Variants in NETO1 observed in about 807,000 individuals in gnomAD.
The protein encoded by NETO1 is neuropilin and tolloid like 1.
In NETO1, 26 loss-of-function variants were observed where a neutral mutation model predicts 61.3. The ratio of observed to expected loss-of-function variants is 0.42; its 90% CI spans 0.31 to 0.59. The LOEUF (loss-of-function observed/expected upper bound fraction) is 0.59. Among genes scored for constraint, NETO1 ranks in the 20% least tolerant of loss-of-function variants. The pLI is 0.12. For synonymous variants in NETO1, 225 were observed against 225.8 expected, an observed-to-expected ratio of 1.00 and a Z score of 0.03; for missense variants, 531 against 662.8, an observed-to-expected ratio of 0.80 and a Z score of 2.18.
intron 4 of NETO1, among the ~76,000 whole-genome samples, chr18:72,817,636 C>T (rs975760915): frequency 3.3e-5 from 5 of 152,218 alleles, no homozygotes; most frequent in Non-Finnish European, 7.3e-5. Flanking sequence ...GTATTAATAC[C>T]GAATGCCTAA....
intron 4 of NETO1, among the ~76,000 whole-genome samples, chr18:72,857,751 C>T (rs1306465148): frequency 6.6e-6 from 1 of 152,122 alleles, no homozygotes; most frequent in Non-Finnish European, 1.5e-5. Context: ...AATCCATTAT[C>T]AGCAAAGCAT....
chr18:72,821,257 A>AAAC, intron 4 of NETO1, among the ~76,000 whole-genome samples: 1 of 148,928 alleles, frequency 6.7e-6, no homozygotes, highest in Non-Finnish European at 1.5e-5. Context: ...AAAAAAAAAA[A>AAAC]TGGGTCCAGG....
chr18:72,854,065 T>C (rs1049736148), intron 4 of NETO1, among the ~76,000 whole-genome samples: 16 of 152,192 alleles, frequency 1.1e-4, no homozygotes, highest in South Asian at 4.1e-4. Flanking sequence ...TTAATATGCA[T>C]AGAAATCCGT....
In NETO1 at chr18:72,858,977, T is replaced by C. The variant is rs1599178616; in HGVS notation, c.318A>G (p.Gly106=). Residue 106 remains glycine, a synonymous_variant, in exon 4 of 11, where the codon GGA becomes GGG. Coordinates refer to ENST00000327305, the MANE Select transcript of NETO1 (RefSeq NM_138966.5). The stretch of plus-strand genomic sequence containing the variant: ...CAATTATTGGAGAAAAGCCAAAAGG[T>C]CCATCTCGAACTTCAATATGATCAA... The part of the protein sequence containing the change: ...CKFDHIEVRD[G]PFGFSPIIGR... 2 of 1,613,812 alleles carry C rather than the reference T, an allele frequency of 1.2e-6. No individual in the cohort carries two copies. Among genetic ancestry groups the C allele is most frequent in the Non-Finnish European group, 1.7e-6 (2 of 1,179,844 alleles).
At chr18:72,793,340 T>C (rs77045311) in intron 6 of NETO1, among the ~76,000 whole-genome samples, 2,560 of 152,266 alleles carry the variant, frequency 0.017, 87 homozygotes, top group African/African-American at 0.058. Flanking sequence ...AAATGACTCA[T>C]CCTCTGTATT....
intron 7 of NETO1, among the ~76,000 whole-genome samples, chr18:72,767,197 A>T (rs983385009): frequency 2.0e-5 from 3 of 152,228 alleles, no homozygotes; most frequent in Non-Finnish European, 4.4e-5. Context: ...CAAGCTTAAA[A>T]ATCTGCTAGT....
intron 4 of NETO1, among the ~76,000 whole-genome samples, chr18:72,856,514 A>C (rs1320529175): frequency 6.6e-6 from 1 of 152,126 alleles, no homozygotes; most frequent in African/African-American, 2.4e-5. Flanking sequence ...CACTCAAGAA[A>C]TTCATAAATA....
intron 4 of NETO1, among the ~76,000 whole-genome samples, chr18:72,814,682 A>G (rs558891352): frequency 5.3e-5 from 8 of 152,094 alleles, no homozygotes; most frequent in Non-Finnish European, 1.2e-4. Context: ...AGAATTATGC[A>G]AATTCAAAAC....
intron 4 of NETO1, among the ~76,000 whole-genome samples, chr18:72,848,756 C>T (rs911089678): frequency 2.0e-5 from 3 of 152,176 alleles, no homozygotes; most frequent in Non-Finnish European, 2.9e-5. Context: ...CACAGTAGCA[C>T]ACCTGCAGCT....
chr18:72,847,235 C>T (rs183107693), intron 4 of NETO1, among the ~76,000 whole-genome samples: 8 of 152,296 alleles, frequency 5.3e-5, no homozygotes, highest in Admixed American at 3.9e-4. Context: ...TGGGCACATG[C>T]CCTGCTGATT....
chr18:72,760,266 T>C lies in NETO1; in HGVS notation c.869-4119A>G, dbSNP rs1204124525. Among the ~76,000 whole-genome samples the C allele has an allele frequency of 9.2e-5, 14 of 152,226 alleles. 1 individual carries two copies. The highest frequency in any genetic ancestry group is 8.5e-4 in the Admixed American group (13 of 15,286). On this transcript the variant is annotated intron_variant, in intron 7 of 10. Transcript: ENST00000327305. ...TGATTTAAAGCACTCACCTAGAAAG[T>C]AGACACTACAACACTTCAAAATGAA... is the stretch of plus-strand genomic sequence containing the variant.
chr18:72,753,113 C>A (rs570196133), intron 8 of NETO1, among the ~76,000 whole-genome samples: 1 of 151,974 alleles, frequency 6.6e-6, no homozygotes, highest in African/African-American at 2.4e-5. Flanking sequence ...CAACAAAAAA[C>A]TAGAGGAGCT....
At chr18:72,865,891 A>T (rs1050333275) in intron 1 of NETO1, among the ~76,000 whole-genome samples, 3 of 152,212 alleles carry the variant, frequency 2.0e-5, no homozygotes, top group Admixed American at 6.5e-5. Flanking sequence ...TCTAACCTTA[A>T]CTTGATTTAA....
chr18:72,755,500 C>T (rs1018864512), intron 8 of NETO1, among the ~76,000 whole-genome samples: 6 of 152,048 alleles, frequency 3.9e-5, no homozygotes, highest in African/African-American at 1.2e-4. Context: ...ATAAACAAGC[C>T]TTTGTGTATA....
At chr18:72,809,233 C>A (rs2072781860) in intron 4 of NETO1, among the ~76,000 whole-genome samples, 1 of 151,850 alleles carries the variant, frequency 6.6e-6, no homozygotes, top group African/African-American at 2.4e-5. Flanking sequence ...GCCAGACAAG[C>A]AATAAATAAA....
chr18:72,764,832 G>A (rs1045325849), intron 7 of NETO1, among the ~76,000 whole-genome samples: 4 of 152,054 alleles, frequency 2.6e-5, no homozygotes, highest in Non-Finnish European at 5.9e-5. Flanking sequence ...AGGTGTTCAG[G>A]CGAAAGGCTC....
At chr18:72,825,088 T>A (rs1356299289) in intron 4 of NETO1, among the ~76,000 whole-genome samples, 1 of 151,998 alleles carries the variant, frequency 6.6e-6, no homozygotes, top group African/African-American at 2.4e-5. Context: ...TAAAATAAAC[T>A]GTCACAATTT....
rs757058999 is a variant in NETO1, at chr18:72,859,004, T to C, written c.291A>G (p.Lys97=). 1.2e-6 allele frequency: 2 copies of C among 1,613,810 alleles called. No homozygotes were observed. The highest frequency in any genetic ancestry group is 2.2e-5 in the South Asian group (2 of 91,068). The change falls in exon 4 of 11, where the codon AAA becomes AAG. Residue 97 remains lysine (K), a synonymous_variant. Coordinates refer to ENST00000327305, the MANE Select transcript of NETO1 (RefSeq NM_138966.5). Reference sequence around the variant, plus strand: ...CATCTCGAACTTCAATATGATCAAATTTGCACTCCCAAGACGGTTCAATAG... The same window carrying C: ...CATCTCGAACTTCAATATGATCAAACTTGCACTCCCAAGACGGTTCAATAG... ...KYSIEPSWEC[K]FDHIEVRDGP...
At chr18:72,843,706 G>A (rs939100049) in intron 4 of NETO1, among the ~76,000 whole-genome samples, 5 of 152,152 alleles carry the variant, frequency 3.3e-5, no homozygotes, top group African/African-American at 9.7e-5. Flanking sequence ...GTAGGAGAAA[G>A]CTTCAAGCAT....
Sources: allele counts gnomAD v4.1 joint callset (sites outside exome capture counted in the v4.1 genomes callset), GRCh38; gene constraint gnomAD v4.1.1; transcripts MANE v1.5; gene names NCBI Gene and HGNC (gene_info 2026-07-23, HGNC 2026-07-21).